PRKCA: variants seen among roughly 807,000 people sequenced by gnomAD.
The protein encoded by PRKCA is protein kinase C alpha, also known as protein kinase C alpha type.
Under a neutral mutation model 87.0 loss-of-function variants are expected in PRKCA, and 27 were observed. The observed-to-expected ratio is 0.31, with a 90% confidence interval of 0.23 to 0.43. PRKCA has a LOEUF of 0.43. Ranked by LOEUF, PRKCA falls within the 20% of genes least tolerant of loss-of-function variation. The pLI, the probability that PRKCA is intolerant of heterozygous loss-of-function variation, is 1.00. For missense variants in PRKCA, 518 were observed against 852.3 expected, an observed-to-expected ratio of 0.61 and a Z score of 4.88; for synonymous variants, 329 against 311.1, an observed-to-expected ratio of 1.06 and a Z score of -0.61.
At chr17:66,567,376 G>A (rs149462592) in intron 3 of PRKCA, among the ~76,000 whole-genome samples, 1 of 152,282 alleles carries the variant, frequency 6.6e-6, no homozygotes, top group African/African-American at 2.4e-5. Context: ...GCTTCTGTGT[G>A]GCGACCGAGA....
intron 2 of PRKCA, among the ~76,000 whole-genome samples, chr17:66,395,329 G>A (rs1380300023): frequency 6.6e-6 from 1 of 152,194 alleles, no homozygotes; most frequent in Non-Finnish European, 1.5e-5. Context: ...AAAGTAAAGA[G>A]TGAGGGAAAC....
intron 2 of PRKCA, among the ~76,000 whole-genome samples, chr17:66,311,185 G>C (rs1042148868): frequency 6.6e-6 from 1 of 152,198 alleles, no homozygotes; most frequent in Non-Finnish European, 1.5e-5. Context: ...AAGATAGAAT[G>C]CATGGAAGAC....
chr17:66,418,499 G>C (rs961457652), intron 2 of PRKCA, among the ~76,000 whole-genome samples: 1 of 150,834 alleles, frequency 6.6e-6, no homozygotes, highest in South Asian at 2.1e-4. Context: ...GCAGTGGCGC[G>C]ATCTCAGCTC....
rs956018051 is a variant in PRKCA at position 66,390,902 on chromosome 17, T to C, written c.205+84775T>C. On this transcript the variant is annotated intron_variant, in intron 2 of 16. Transcript: ENST00000413366. ...GGAGTCAACGCTGGGGCCATCAGCA[T>C]GCGAAGCAAAGGAACCAAGTAGCAG... 3.2e-5 allele frequency among the ~76,000 whole-genome samples: 3 copies of C among 93,662 alleles called. No homozygotes were observed. In the East Asian group the frequency reaches 9.1e-4, roughly 28 times the overall value. The allele number at this position is 93,662 out of a possible 152,430, so 61.4% of individuals were successfully genotyped here.
chr17:66,787,115 G>A, intron 15 of PRKCA, 141 bp downstream of exon 15: 1 of 799,276 alleles, frequency 1.3e-6, no homozygotes, highest in Non-Finnish European at 2.3e-6. Context: ...TTGGGGCTTG[G>A]TGTCATGCCC....
chr17:66,465,706 G>A (rs1443618528), intron 2 of PRKCA, among the ~76,000 whole-genome samples: 1 of 152,036 alleles, frequency 6.6e-6, no homozygotes, highest in East Asian at 1.9e-4. Flanking sequence ...GGCCTGATAT[G>A]TTTTAATTCT....
chr17:66,364,088 T>G (rs993349253), intron 2 of PRKCA: 2 of 152,868 alleles, frequency 1.3e-5, no homozygotes, highest in African/African-American at 4.8e-5. Flanking sequence ...GGCAGGAGGA[T>G]CACTTGAGCT....
At chr17:66,567,370 C>T (rs902012275) in intron 3 of PRKCA, among the ~76,000 whole-genome samples, 2 of 152,156 alleles carry the variant, frequency 1.3e-5, no homozygotes, top group Non-Finnish European at 2.9e-5. Context: ...CTCCTGGCTT[C>T]TGTGTGGCGA....
chr17:66,614,330 C>T (rs151085298), intron 3 of PRKCA, among the ~76,000 whole-genome samples: 93 of 152,220 alleles, frequency 6.1e-4, no homozygotes, highest in African/African-American at 2.1e-3. Context: ...TGTATATTTC[C>T]GGAAGGACTC....
At chr17:66,424,960 C>T (rs1912716022) in intron 2 of PRKCA, among the ~76,000 whole-genome samples, 1 of 151,908 alleles carries the variant, frequency 6.6e-6, no homozygotes, top group Middle Eastern at 3.2e-3. Context: ...TGGGGTTTTA[C>T]TGTGTTGCCC....
In PRKCA at chr17:66,524,063, C is replaced by T. The variant is rs150528832; in HGVS notation, c.288+27780C>T. Among the ~76,000 whole-genome samples, 8 of 152,258 alleles carry T rather than the reference C, an allele frequency of 5.3e-5. No individual in the cohort carries two copies. The East Asian group carries it at 9.7e-4, about 18-fold the overall frequency. ...TAGCTGGGTGACATCAGACAAGCCT[C>T]GCAACTCCCAGGCCTCAGCCTCTGC... On this transcript the variant is annotated intron_variant, in intron 3 of 16. Transcript: ENST00000413366.
intron 8 of PRKCA, among the ~76,000 whole-genome samples, chr17:66,727,095 G>A (rs1973772334): frequency 6.6e-6 from 1 of 152,186 alleles, no homozygotes. Flanking sequence ...TTTGCTGCCC[G>A]TGGGCTAGGG....
intron 2 of PRKCA, among the ~76,000 whole-genome samples, chr17:66,475,524 A>G (rs1299076494): frequency 6.6e-6 from 1 of 152,128 alleles, no homozygotes; most frequent in East Asian, 1.9e-4. Flanking sequence ...TAATTTAGCC[A>G]TGCAGGATGT....
chr17:66,461,105 A>G (rs903379044), intron 2 of PRKCA, among the ~76,000 whole-genome samples: 1 of 151,042 alleles, frequency 6.6e-6, no homozygotes, highest in Non-Finnish European at 1.5e-5. Flanking sequence ...ACTCAGGGGA[A>G]TGAGGCAGGA....
At chr17:66,487,342 T>C (rs143591976) in intron 2 of PRKCA, among the ~76,000 whole-genome samples, 2 of 152,306 alleles carry the variant, frequency 1.3e-5, no homozygotes, top group East Asian at 3.9e-4. Flanking sequence ...TTGCTGCAAA[T>C]GATAGGATTT....
chr17:66,696,446 T>C (rs1207726018), intron 8 of PRKCA: 1 of 152,246 alleles, frequency 6.6e-6, no homozygotes, highest in African/African-American at 2.4e-5. Context: ...TAATAGAGAC[T>C]GCCGCATAGG....
chr17:66,734,901 G>A (rs1031251751), intron 9 of PRKCA, among the ~76,000 whole-genome samples: 2 of 151,072 alleles, frequency 1.3e-5, no homozygotes, highest in African/African-American at 4.9e-5. Flanking sequence ...TCACTGTGTT[G>A]TTACTATTTC....
At chr17:66,309,706 A>T (rs1374242433) in intron 2 of PRKCA, among the ~76,000 whole-genome samples, 3 of 152,030 alleles carry the variant, frequency 2.0e-5, no homozygotes, top group African/African-American at 7.3e-5. Flanking sequence ...TTGCCTTCTT[A>T]TTTTTGGTTG....
At chr17:66,639,069 C>T (rs1262425554) in intron 3 of PRKCA, among the ~76,000 whole-genome samples, 1 of 152,198 alleles carries the variant, frequency 6.6e-6, no homozygotes, top group Non-Finnish European at 1.5e-5. Context: ...CTTATTATGT[C>T]TACAGTAGAT....
Sources: gnomAD v4.1 joint callset for allele counts (sites outside exome capture counted in the v4.1 genomes callset) on GRCh38, gnomAD v4.1.1 for gene constraint, MANE v1.5 for transcripts, NCBI Gene and HGNC (gene_info 2026-07-23, HGNC 2026-07-21) for gene names.